Variants in MYH9 observed in about 807,000 individuals in gnomAD.
MYH9 encodes the protein myosin heavy chain 9, also known as myosin-9.
A neutral mutation model predicts 241.9 loss-of-function variants in MYH9; 29 were observed. The observed-to-expected ratio is 0.12, with a 90% CI of 0.09 to 0.16. The LOEUF (loss-of-function observed/expected upper bound fraction) is 0.16. Among genes scored for constraint, MYH9 ranks in the 10% least tolerant of loss-of-function variants. The pLI is 1.00. For synonymous variants in MYH9, 1,047 were observed against 1,062.6 expected (o/e 0.99, Z 0.29); for missense variants, 1,803 against 2,595.5 (o/e 0.69, Z 6.63).
At chr22:36,371,862 T>C (rs139788986) in intron 1 of MYH9, among the ~76,000 whole-genome samples, 1,529 of 151,970 alleles carry the variant, frequency 0.01, 9 homozygotes, top group South Asian at 0.026. Context: ...CCTCTCAACA[T>C]ACCCCCTCAT....
At chr22:36,383,744 G>A (rs968892554) in intron 1 of MYH9, among the ~76,000 whole-genome samples, 5 of 151,790 alleles carry the variant, frequency 3.3e-5, no homozygotes, top group African/African-American at 9.7e-5. Context: ...GATCACCTGA[G>A]GTCAGGAGCT....
rs2016643175 is a variant in MYH9, at chr22:36,289,181, T to C, written c.4461A>G (p.Glu1487=). The change falls in exon 32 of 41, where the codon GAA becomes GAG. Residue 1487 remains glutamate (E), a synonymous_variant. Transcript: ENST00000216181. ...CCAGCTCCGCCTTCTGCTCCATGGCTTCCTCCAGGGCCCGGGCCAGCGACA... is the reference window on the plus strand; with the variant it reads ...CCAGCTCCGCCTTCTGCTCCATGGCCTCCTCCAGGGCCCGGGCCAGCGACA... ...KALSLARALE[E]AMEQKAELER... is the part of the protein sequence containing the mutation. 1 of 1,613,744 alleles carries C rather than the reference T, an allele frequency of 6.2e-7. No homozygotes were observed. The highest frequency in any genetic ancestry group is 8.5e-7 in the Non-Finnish European group (1 of 1,180,022).
At position 36,289,290 on chromosome 22, in the gene MYH9, G is replaced by A. The variant is rs759107183; in HGVS notation, c.4352C>T (p.Ala1451Val). The change falls in exon 32 of 41, where the codon GCG becomes GTG. Residue 1451 changes from alanine to valine, a missense_variant. Ala to Val is a moderately conservative substitution (Grantham distance 64, BLOSUM62 0). Coordinates refer to ENST00000216181, the MANE Select transcript of MYH9 (RefSeq NM_002473.6). ...CTTGGCAGAGATGGTCTTCTCCTCC[G>A]CCAGGAGCTGGGAAAGAGGTGGGCA... is the stretch of plus-strand genomic sequence containing the variant. ...KKQKKFDQLL[A>V]EEKTISAKYA... 1.8e-5 allele frequency: 29 copies of A among 1,608,744 alleles called. No individual in the cohort carries two copies. Among genetic ancestry groups the A allele is most frequent in the South Asian group, 4.4e-5 (4 of 90,454 alleles).
chr22:36,343,914 TCCAGCCCAGGAAAA>T (rs1443792444), intron 2 of MYH9, among the ~76,000 whole-genome samples: 1 of 152,068 alleles, frequency 6.6e-6, no homozygotes, highest in Non-Finnish European at 1.5e-5. Flanking sequence ...CTCTAGGAAA[TCCAGCCCAGGAAAA>T]CCAAGGACAC....
In MYH9 at chr22:36,293,039, C is replaced by G. The variant is rs149021270; in HGVS notation, c.4095+290G>C. Among the ~76,000 whole-genome samples, 1 of 152,358 alleles carries G rather than the reference C, an allele frequency of 6.6e-6. No homozygotes were observed. The highest frequency in any genetic ancestry group is 1.9e-4 in the East Asian group (1 of 5,190). ...GATGACGGCACAGGGACTGCCACCA[C>G]CATGGCTTGCTGCCTACATCCATAA... is the stretch of plus-strand genomic sequence containing the variant. On this transcript the variant is annotated intron_variant, in intron 30 of 40. Coordinates refer to ENST00000216181, the MANE Select transcript of MYH9 (RefSeq NM_002473.6). The surrounding 1 kb of genome is among the most constrained non-coding windows in gnomAD (Gnocchi z 5.1).
chr22:36,325,511 G>A (rs984990315), intron 5 of MYH9, among the ~76,000 whole-genome samples: 1 of 152,170 alleles, frequency 6.6e-6, no homozygotes, highest in Non-Finnish European at 1.5e-5. Flanking sequence ...GCTTGAGAGA[G>A]AGCATCCCAC....
intron 3 of MYH9, among the ~76,000 whole-genome samples, chr22:36,338,244 C>A (rs2017529454): frequency 6.6e-6 from 1 of 152,052 alleles, no homozygotes; most frequent in African/African-American, 2.4e-5. Context: ...AGGTGATCCA[C>A]CTGCCTCGGC....
intron 12 of MYH9, among the ~76,000 whole-genome samples, chr22:36,315,487 G>T (rs1236971347): frequency 6.6e-6 from 1 of 152,066 alleles, no homozygotes; most frequent in African/African-American, 2.4e-5. Context: ...TTTGCTGGAA[G>T]AATAAACAGG....
chr22:36,310,776 C>T (rs2017049571), intron 14 of MYH9, among the ~76,000 whole-genome samples: 1 of 152,214 alleles, frequency 6.6e-6, no homozygotes, highest in Non-Finnish European at 1.5e-5. Context: ...TAGGGTATTC[C>T]TAATTATTCA....
rs1480936834 is a variant in MYH9, at chr22:36,305,449, G to A, written c.2160-347C>T. On this transcript the variant is annotated intron_variant, in intron 17 of 40. Coordinates refer to ENST00000216181, the MANE Select transcript of MYH9 (RefSeq NM_002473.6). This position sits in a 1 kb window ranked among gnomAD's most constrained non-coding sequence, Gnocchi z 4.7. ...ACACAGCTTCCCTGGGACGCTGCAG[G>A]GAGCTGCTAATAAACAGAGATGGCC... Among the ~76,000 whole-genome samples, 2 of 152,186 alleles carry A rather than the reference G, an allele frequency of 1.3e-5. No individual in the cohort carries two copies. The highest frequency in any genetic ancestry group is 4.8e-5 in the African/African-American group (2 of 41,450).
intron 1 of MYH9, among the ~76,000 whole-genome samples, chr22:36,373,209 C>A (rs1315893340): frequency 6.6e-6 from 1 of 152,312 alleles, no homozygotes; most frequent in Admixed American, 6.5e-5. Context: ...AATGGCCTTC[C>A]GACTTTGGAA....
chr22:36,367,862 C>T (rs577676755), intron 1 of MYH9, among the ~76,000 whole-genome samples: 3 of 152,352 alleles, frequency 2.0e-5, no homozygotes, highest in Non-Finnish European at 2.9e-5. Context: ...GCCCCCTCCT[C>T]CCCTCCCCAG....
chr22:36,288,550 A>T lies in MYH9; in HGVS notation c.4771-137T>A, dbSNP rs1487934780. On this transcript the variant is annotated intron_variant, in intron 33 of 40. Coordinates refer to ENST00000216181, the MANE Select transcript of MYH9 (RefSeq NM_002473.6). This position sits in a 1 kb window ranked among gnomAD's most constrained non-coding sequence, Gnocchi z 4.8. ...AAACCAGTGGGGATTACTGACCATA[A>T]GAACTCTAAGAAAGTGAGTCACTGA... is the stretch of plus-strand genomic sequence containing the variant. 1.4e-5 allele frequency: 19 copies of T among 1,359,822 alleles called. No homozygotes were observed. The highest frequency in any genetic ancestry group is 1.9e-5 in the Non-Finnish European group (18 of 967,196). 84.2% of individuals were successfully genotyped at this position (1,359,822 alleles called of 1,614,324 possible).
intron 1 of MYH9, among the ~76,000 whole-genome samples, chr22:36,349,705 G>A (rs946733839): frequency 2.0e-5 from 3 of 152,124 alleles, no homozygotes; most frequent in African/African-American, 7.2e-5. Context: ...CTCCAGCCTG[G>A]GCAACAGAAA....
chr22:36,316,688 G>A lies in MYH9; in HGVS notation c.1228-19C>T. 2 of 1,613,358 alleles carry A rather than the reference G, an allele frequency of 1.2e-6. No homozygotes were observed. The highest frequency in any genetic ancestry group is 1.7e-6 in the Non-Finnish European group (2 of 1,180,022). ...AGTCAGCCTGCGGGGCACACCCGGG[G>A]AGCGTGGTGTCAGATACAAAGGATC... On this transcript the variant is annotated intron_variant, in intron 11 of 40. Coordinates refer to ENST00000216181, the MANE Select transcript of MYH9 (RefSeq NM_002473.6).
intron 14 of MYH9, among the ~76,000 whole-genome samples, chr22:36,309,626 C>T (rs926213135): frequency 1.3e-5 from 2 of 152,230 alleles, no homozygotes; most frequent in Non-Finnish European, 1.5e-5. Context: ...CAAGGCATGG[C>T]CAACAACGGG....
chr22:36,325,667 G>A (rs770211040), intron 5 of MYH9, among the ~76,000 whole-genome samples: 41 of 152,378 alleles, frequency 2.7e-4, no homozygotes, highest in Non-Finnish European at 5.7e-4. Flanking sequence ...GGAGGGCTCC[G>A]TGAGAGCGGA....
At chr22:36,354,802 A>G (rs1476767520) in intron 1 of MYH9, among the ~76,000 whole-genome samples, 1 of 152,112 alleles carries the variant, frequency 6.6e-6, no homozygotes, top group Non-Finnish European at 1.5e-5. Flanking sequence ...AGAAAAGAAC[A>G]TACAAACACT....
chr22:36,288,167 G>T lies in MYH9; in HGVS notation c.4932+85C>A. 6.4e-7 allele frequency: 1 copy of T among 1,558,580 alleles called. No individual in the cohort carries two copies. Among genetic ancestry groups the T allele is most frequent in the African/African-American group, 1.3e-5 (1 of 74,134 alleles). On this transcript the variant is annotated intron_variant, in intron 34 of 40. Coordinates refer to ENST00000216181, the MANE Select transcript of MYH9 (RefSeq NM_002473.6). The surrounding 1 kb of genome is among the most constrained non-coding windows in gnomAD (Gnocchi z 4.8). ...GGAGGTGCCACCCTGCCAGGTTCCCGCCCTGGGCCGAGCCCTGGCACCTTC... is the reference window on the plus strand; with the variant it reads ...GGAGGTGCCACCCTGCCAGGTTCCCTCCCTGGGCCGAGCCCTGGCACCTTC...
Sources: allele counts gnomAD v4.1 joint callset (sites outside exome capture counted in the v4.1 genomes callset), GRCh38; gene constraint gnomAD v4.1.1; non-coding constraint Gnocchi (gnomAD v3.1); transcripts MANE v1.5; gene names NCBI Gene and HGNC (gene_info 2026-07-23, HGNC 2026-07-21).